Variants in ZNF835 observed in about 807,000 individuals in gnomAD.
ZNF835 encodes the protein zinc finger protein 835.
For missense variants in ZNF835, 783 were observed against 758.4 expected (o/e 1.03, Z -0.38); for synonymous variants, 323 against 324.7 (o/e 0.99, Z 0.06).
chr19:56,665,100 G>C lies in ZNF835; in HGVS notation c.99C>G (p.Ser33Arg), dbSNP rs1429737648. ...AGGCCACGGCCTCTGGCTCTGGACA[G>C]CTTTCCTGGTTTTCCTGCAGGTCCT... The part of the protein sequence containing the change: ...QVEDLQENQE[S>R]CPEPEAVACK... Residue 33 changes from serine to arginine, a missense_variant, in exon 2 of 2, where the codon AGC (serine) becomes AGG (arginine). Ser to Arg is a moderately radical substitution (Grantham distance 110). Transcript: ENST00000537055. 1.2e-6 allele frequency: 2 copies of C among 1,614,054 alleles called. No homozygotes were observed. The highest frequency in any genetic ancestry group is 1.7e-6 in the Non-Finnish European group (2 of 1,179,900).
intron 1 of ZNF835, among the ~76,000 whole-genome samples, chr19:56,666,199 C>T (rs749546742): frequency 6.6e-6 from 1 of 152,122 alleles, no homozygotes; most frequent in South Asian, 2.1e-4. Flanking sequence ...CTCCGCCTCC[C>T]GGGTTCAAGC....
Position 56,664,509 on chromosome 19 carries a change from C to T in ZNF835, c.690G>A (p.Ala230=), listed in dbSNP as rs1462215301. 6.6e-7 allele frequency: 1 copy of T among 1,524,590 alleles called. No individual in the cohort carries two copies. The highest frequency in any genetic ancestry group is 1.6e-5 in the African/African-American group (1 of 62,112). The allele number at this position is 1,524,590 out of a possible 1,614,324, so 94.4% of individuals were successfully genotyped here. Residue 230 remains alanine, a synonymous_variant, in exon 2 of 2, where the codon GCG becomes GCA. Coordinates refer to ENST00000537055, the MANE Select transcript of ZNF835 (RefSeq NM_001005850.3). ...CTATCAGGGACGAGCGGTTGCGGAA[C>T]GCCTTGGCGCACTGGGCGCACGCGT... ...RPYACAQCAK[A]FRNRSSLIEH...
Position 56,664,743 on chromosome 19 carries a change from G to C in ZNF835, c.456C>G (p.His152Gln). 1 of 1,612,042 alleles carries C rather than the reference G, an allele frequency of 6.2e-7. No individual in the cohort carries two copies. The highest frequency in any genetic ancestry group is 2.2e-5 in the East Asian group (1 of 44,768). ...ECGKAFSQSV[H>Q]LTLHQRTHTG... Reference sequence around the variant, plus strand: ...TGTGCGTGCGCTGGTGCAGGGTCAGGTGCACGCTCTGGCTGAAGGCCTTGC... The same window carrying C: ...TGTGCGTGCGCTGGTGCAGGGTCAGCTGCACGCTCTGGCTGAAGGCCTTGC... The change falls in exon 2 of 2, where the codon CAC (histidine) becomes CAG (glutamine). Residue 152 changes from histidine (H) to glutamine (Q), a missense_variant. His to Gln is a conservative substitution (Grantham distance 24). Coordinates refer to ENST00000537055, the MANE Select transcript of ZNF835 (RefSeq NM_001005850.3).
chr19:56,664,068 G>A lies in ZNF835; in HGVS notation c.1131C>T (p.Leu377=), dbSNP rs1182748018. ...CGKRFSNRSH[L]LQHRLVHTGE... is the part of the protein sequence containing the mutation. ...CGGTGTGCACGAGGCGGTGCTGGAG[G>A]AGGTGGGAGCGGTTGCTGAAGCGCT... Residue 377 remains leucine, a synonymous_variant, in exon 2 of 2, where the codon CTC becomes CTT. Transcript: ENST00000537055. 1.9e-6 allele frequency: 3 copies of A among 1,606,406 alleles called. No homozygotes were observed. Among genetic ancestry groups the A allele is most frequent in the Non-Finnish European group, 2.5e-6 (3 of 1,177,688 alleles).
chr19:56,663,493 T>G lies in ZNF835; in HGVS notation c.*92A>C, dbSNP rs1265877902. The G allele has an allele frequency of 8.4e-6, 13 of 1,541,432 alleles. No homozygotes were observed. Among genetic ancestry groups the G allele is most frequent in the Non-Finnish European group, 1.8e-6 (2 of 1,138,448 alleles). On this transcript the variant is annotated 3_prime_UTR_variant, in exon 2 of 2. Coordinates refer to ENST00000537055, the MANE Select transcript of ZNF835 (RefSeq NM_001005850.3). ...GTGCCCTCAGGCAAGTTAACAAGCT[T>G]CTCTGAGCCTCGGTTTCCTCACAGG...
intron 1 of ZNF835, among the ~76,000 whole-genome samples, chr19:56,671,151 G>A (rs1024693189): frequency 1.3e-5 from 2 of 150,520 alleles, no homozygotes; most frequent in African/African-American, 4.9e-5. Flanking sequence ...GCACCGCCAA[G>A]TGAGCAGGGG....
chr19:56,668,521 A>G (rs759480692), intron 1 of ZNF835, among the ~76,000 whole-genome samples: 21 of 151,924 alleles, frequency 1.4e-4, no homozygotes, highest in Non-Finnish European at 2.4e-4. Context: ...GGCACCACCA[A>G]CCACACCTGG....
rs2045232805 is a variant in ZNF835, at chr19:56,664,999, G to A, written c.200C>T (p.Pro67Leu). 6.2e-7 allele frequency: 1 copy of A among 1,614,052 alleles called. No individual in the cohort carries two copies. Among genetic ancestry groups the A allele is most frequent in the Admixed American group, 1.7e-5 (1 of 60,028 alleles). ...FSRIPRTISS[P>L]AATQASVPDD... ...GGGGACACTGGCTTGGGTAGCAGCA[G>A]GGCTCGATATGGTTCTTGGGATTCG... is the stretch of plus-strand genomic sequence containing the variant. Residue 67 changes from proline (P) to leucine (L), a missense_variant, in exon 2 of 2, where the codon CCT becomes CTT. By Grantham distance (98) the Pro-to-Leu change is moderately conservative (BLOSUM62 -3). Transcript: ENST00000537055.
chr19:56,667,899 A>G (rs956784227), intron 1 of ZNF835, among the ~76,000 whole-genome samples: 1 of 151,972 alleles, frequency 6.6e-6, no homozygotes, highest in Non-Finnish European at 1.5e-5. Flanking sequence ...CAGACACCAA[A>G]CCTGCCGGCA....
Position 56,661,992 on chromosome 19 carries a change from A to T in ZNF835, c.*1593T>A, listed in dbSNP as rs2045191254. The T allele has an allele frequency of 6.6e-6, 1 of 151,988 alleles. No homozygotes were observed. Among genetic ancestry groups the T allele is most frequent in the Admixed American group, 6.6e-5 (1 of 15,256 alleles). 9.4% of individuals were successfully genotyped at this position (151,988 alleles called of 1,614,324 possible). ...GATTATAGTCATGTGAAGTTATGAG[A>T]TTATAACTTTAATTCAACATTGTAG... On this transcript the variant is annotated 3_prime_UTR_variant, in exon 2 of 2. Coordinates refer to ENST00000537055, the MANE Select transcript of ZNF835 (RefSeq NM_001005850.3).
In ZNF835 at chr19:56,665,193, C is replaced by T. The variant is rs769282447; in HGVS notation, c.6G>A (p.Glu2=). 2 of 1,613,864 alleles carry T rather than the reference C, an allele frequency of 1.2e-6. No individual in the cohort carries two copies. The highest frequency in any genetic ancestry group is 1.3e-5 in the African/African-American group (1 of 74,948). Residue 2 remains glutamate (E), a synonymous_variant, in exon 2 of 2, where the codon GAG becomes GAA. Transcript: ENST00000537055. The part of the protein sequence containing the change: M[E]GLLSVALQGA... ...CCTGGAGGGCGACGCTCAAGAGTCC[C>T]TCCATCCTCGATCCCTGGGCTGCTG...
chr19:56,663,813 G>C lies in ZNF835; in HGVS notation c.1386C>G (p.Ile462Met), dbSNP rs765657000. The C allele has an allele frequency of 1.2e-6, 2 of 1,614,062 alleles. No homozygotes were observed. The highest frequency in any genetic ancestry group is 2.2e-5 in the South Asian group (2 of 91,082). Reference sequence around the variant, plus strand: ...CCCCGGTGTGCACGATGTGGTGCTGGATCAGGTAGGAGCGGTTGCTGAAGG... The same window carrying C: ...CCCCGGTGTGCACGATGTGGTGCTGCATCAGGTAGGAGCGGTTGCTGAAGG... ...GKAFSNRSYLIQHHIVHTGEK... is the reference protein window; with the variant it reads ...GKAFSNRSYLMQHHIVHTGEK... The change falls in exon 2 of 2, where the codon ATC becomes ATG. Residue 462 changes from isoleucine (I) to methionine (M), a missense_variant. Ile to Met is a conservative substitution (Grantham distance 10). Transcript: ENST00000537055.
At chr19:56,665,833 CA>C (rs1458576280) in intron 1 of ZNF835, among the ~76,000 whole-genome samples, 1 of 152,092 alleles carries the variant, frequency 6.6e-6, no homozygotes, top group African/African-American at 2.4e-5. Context: ...CAGACACTGC[CA>C]GGTGTCCCCT....
At position 56,664,609 on chromosome 19, in the gene ZNF835, G is replaced by A. The variant is rs1038537768; in HGVS notation, c.590C>T (p.Ala197Val). 1.2e-6 allele frequency: 2 copies of A among 1,604,522 alleles called. No individual in the cohort carries two copies. The highest frequency in any genetic ancestry group is 1.7e-5 in the Admixed American group (1 of 58,276). ...GCGCGTGAAGGCCTTGCCGCAGTCG[G>A]CGCAGCGGTGCGGCTTCTCGCCCGT... Reference protein sequence around the residue: ...THTGEKPHRCADCGKAFTRVT... With the variant: ...THTGEKPHRCVDCGKAFTRVT... The change falls in exon 2 of 2, where the codon GCC (alanine) becomes GTC (valine). Residue 197 changes from alanine (A) to valine (V), a missense_variant. Transcript: ENST00000537055.
chr19:56,663,140 G>A lies in ZNF835; in HGVS notation c.*445C>T, dbSNP rs1015455597. ...TGCATCACTGCACTCCAGCCTGGGC[G>A]ACAGAGCAAGACTCCGTCTCAGAAA... is the stretch of plus-strand genomic sequence containing the variant. On this transcript the variant is annotated 3_prime_UTR_variant, in exon 2 of 2. Coordinates refer to ENST00000537055, the MANE Select transcript of ZNF835 (RefSeq NM_001005850.3). The A allele has an allele frequency of 6.0e-6, 1 of 166,550 alleles. No individual in the cohort carries two copies. Among genetic ancestry groups the A allele is most frequent in the Non-Finnish European group, 1.2e-5 (1 of 83,774 alleles). 10.3% of individuals were successfully genotyped at this position (166,550 alleles called of 1,614,324 possible).
In ZNF835 at chr19:56,662,314, A is replaced by G. The variant is rs1373664946; in HGVS notation, c.*1271T>C. ...TCCAGACCAAGCCTGGTCCAGACCA[A>G]CAGAACCAGCAGCTGACCTCCAGAT... On this transcript the variant is annotated 3_prime_UTR_variant, in exon 2 of 2. Coordinates refer to ENST00000537055, the MANE Select transcript of ZNF835 (RefSeq NM_001005850.3). 2 of 152,256 alleles carry G rather than the reference A, an allele frequency of 1.3e-5. No individual in the cohort carries two copies. Among genetic ancestry groups the G allele is most frequent in the Admixed American group, 1.3e-4 (2 of 15,284 alleles). The allele number at this position is 152,256 out of a possible 1,614,324, so 9.4% of individuals were successfully genotyped here.
rs10604506 is a variant in ZNF835 at position 56,668,364 on chromosome 19, CTT to C, written c.-47-3121_-47-3120del. The stretch of plus-strand genomic sequence containing the variant: ...ACACCCCAAAGGACCTAAAATAGGG[CTT>C]TTTTTTTTTTTTTTTTTGAGACAGG... On this transcript the variant is annotated intron_variant, in intron 1 of 1. Transcript: ENST00000537055. 3.0e-3 allele frequency among the ~76,000 whole-genome samples: 351 copies of C among 116,954 alleles called. 1 individual carries two copies. The highest frequency in any genetic ancestry group is 6.3e-3 in the African/African-American group (204 of 32,236). 76.7% of individuals were successfully genotyped at this position (116,954 alleles called of 152,430 possible).
At chr19:56,665,835 G>C (rs1416671042) in intron 1 of ZNF835, among the ~76,000 whole-genome samples, 6 of 152,072 alleles carry the variant, frequency 3.9e-5, no homozygotes, top group Non-Finnish European at 8.8e-5. Context: ...GACACTGCCA[G>C]GTGTCCCCTC....
At chr19:56,671,333 G>C (rs1174926442) in intron 1 of ZNF835, among the ~76,000 whole-genome samples, 1 of 150,266 alleles carries the variant, frequency 6.7e-6, no homozygotes, top group East Asian at 2.0e-4. Flanking sequence ...ACAGTGACGG[G>C]CTGGCACCGC....
Sources: allele counts gnomAD v4.1 joint callset (sites outside exome capture counted in the v4.1 genomes callset), GRCh38; gene constraint gnomAD v4.1.1; transcripts MANE v1.5; gene names NCBI Gene and HGNC (gene_info 2026-07-23, HGNC 2026-07-21).